HYAL4: variants seen among roughly 807,000 people sequenced by gnomAD.
The protein encoded by HYAL4 is hyaluronidase-4.
HYAL4 carries 37 observed loss-of-function variants against 35.2 expected under a neutral mutation model. The ratio of observed to expected loss-of-function variants is 1.05; its 90% CI spans 0.81 to 1.38. The LOEUF is 1.38. Ranked by LOEUF, HYAL4 falls within the 40% of genes most tolerant of loss-of-function variation. The probability of loss-of-function intolerance (pLI) is 0.00; values close to 1 mark genes in which losing one functional copy is unlikely to be tolerated. For missense variants in HYAL4, 572 were observed against 572.4 expected (o/e 1.00, Z 0.01); for synonymous variants, 198 against 203.2 (o/e 0.97, Z 0.22).
chr7:123,853,618 A>G (rs1034247470), intron 2 of HYAL4, among the ~76,000 whole-genome samples: 4 of 152,130 alleles, frequency 2.6e-5, no homozygotes, highest in Non-Finnish European at 5.9e-5. Flanking sequence ...GTGCTGCTGG[A>G]TTCAGTTTGC....
At chr7:123,832,499 T>C (rs1805900819) in intron 1 of HYAL4, among the ~76,000 whole-genome samples, 4 of 107,584 alleles carry the variant, frequency 3.7e-5, no homozygotes, top group Admixed American at 2.9e-4. Context: ...TTTTTTTTTT[T>C]TTTTTTTTTT....
intron 1 of HYAL4, among the ~76,000 whole-genome samples, chr7:123,830,725 A>G (rs1471775163): frequency 1.3e-5 from 2 of 152,084 alleles, no homozygotes; most frequent in Non-Finnish European, 2.9e-5. Context: ...GGCTATTTTT[A>G]TATTGGAGAC....
chr7:123,779,679 C>T, the HYAL4 span, among the ~76,000 whole-genome samples: 1 of 151,978 alleles, frequency 6.6e-6, no homozygotes, highest in South Asian at 2.1e-4. Flanking sequence ...TTAAAATTTT[C>T]ATCTCTAGGT....
chr7:123,847,656 T>C (rs1274055994), intron 1 of HYAL4, among the ~76,000 whole-genome samples: 1 of 152,128 alleles, frequency 6.6e-6, no homozygotes, highest in Non-Finnish European at 1.5e-5. Context: ...CATACGCCTG[T>C]AGTCCCAGCT....
the HYAL4 span, among the ~76,000 whole-genome samples, chr7:123,804,393 A>T: frequency 6.6e-6 from 1 of 152,162 alleles, no homozygotes; most frequent in Non-Finnish European, 1.5e-5. Context: ...AGAGGAAGGG[A>T]GGGAAAAGAT....
chr7:123,817,897 A>G, the HYAL4 span, among the ~76,000 whole-genome samples: 1 of 151,882 alleles, frequency 6.6e-6, no homozygotes, highest in African/African-American at 2.4e-5. Context: ...TATTTATTTG[A>G]GATGGAGTCT....
upstream of HYAL4, among the ~76,000 whole-genome samples, chr7:123,825,268 G>T (rs918735757): frequency 3.9e-5 from 6 of 152,060 alleles, no homozygotes; most frequent in African/African-American, 1.4e-4. Flanking sequence ...ATGTATTTGG[G>T]ATGGTCTGAT....
At chr7:123,852,587 T>C (rs1371300465) in intron 2 of HYAL4, among the ~76,000 whole-genome samples, 1 of 152,152 alleles carries the variant, frequency 6.6e-6, no homozygotes, top group East Asian at 1.9e-4. Flanking sequence ...TTCTCTTCCA[T>C]TGGTCTATAT....
chr7:123,773,319 A>G, the HYAL4 span, among the ~76,000 whole-genome samples: 1 of 152,168 alleles, frequency 6.6e-6, no homozygotes, highest in Admixed American at 6.5e-5. Context: ...AAAAAAGTAA[A>G]TATTTACTGT....
the HYAL4 span, among the ~76,000 whole-genome samples, chr7:123,770,434 T>G: frequency 1.6e-5 from 2 of 123,748 alleles, no homozygotes; most frequent in African/African-American, 5.7e-5. Context: ...AGAGCGAGAC[T>G]CCATCTAAAA....
At chr7:123,807,005 C>T in the HYAL4 span, among the ~76,000 whole-genome samples, 1 of 152,258 alleles carries the variant, frequency 6.6e-6, no homozygotes, top group East Asian at 1.9e-4. Flanking sequence ...TACCCCAGCT[C>T]CTGGACCTTT....
At chr7:123,782,718 A>T in the HYAL4 span, among the ~76,000 whole-genome samples, 1 of 152,126 alleles carries the variant, frequency 6.6e-6, no homozygotes, top group African/African-American at 2.4e-5. Context: ...TTGATTCAAT[A>T]AGCTTGGGAA....
chr7:123,832,918 C>T (rs1015377095), intron 1 of HYAL4, among the ~76,000 whole-genome samples: 7 of 152,222 alleles, frequency 4.6e-5, no homozygotes, highest in African/African-American at 1.7e-4. Context: ...CAGGTTGTTG[C>T]GAATGCCATT....
chr7:123,777,738 A>G, the HYAL4 span, among the ~76,000 whole-genome samples: 3 of 152,094 alleles, frequency 2.0e-5, no homozygotes, highest in African/African-American at 2.4e-5. Flanking sequence ...GGTGTCCTAG[A>G]TAAGTGCATT....
At chr7:123,858,242 G>A (rs1806500537) in intron 2 of HYAL4, among the ~76,000 whole-genome samples, 3 of 152,052 alleles carry the variant, frequency 2.0e-5, no homozygotes, top group African/African-American at 7.2e-5. Flanking sequence ...AAACCAAAAA[G>A]TGAAGAAAAT....
At chr7:123,867,881 C>T (rs1392272304) in intron 2 of HYAL4, among the ~76,000 whole-genome samples, 1 of 152,148 alleles carries the variant, frequency 6.6e-6, no homozygotes, top group Admixed American at 6.5e-5. Flanking sequence ...AGCAGTTAAG[C>T]ACAATGCCTG....
intron 1 of HYAL4, among the ~76,000 whole-genome samples, chr7:123,838,982 G>GT (rs36011153): frequency 1.4e-4 from 21 of 149,468 alleles, no homozygotes; most frequent in South Asian, 1.1e-3. Context: ...AGTTTCAATA[G>GT]TTTTTTTTTT....
chr7:123,779,631 T>A, the HYAL4 span, among the ~76,000 whole-genome samples: 1 of 152,160 alleles, frequency 6.6e-6, no homozygotes, highest in African/African-American at 2.4e-5. Flanking sequence ...AAAATTCTAT[T>A]TTGAGTATGT....
At chr7:123,815,110 G>T in the HYAL4 span, 15 of 152,534 alleles carry the variant, frequency 9.8e-5, no homozygotes, top group Non-Finnish European at 1.8e-4. Flanking sequence ...ATACATAAAT[G>T]TTTTAGGATA....
Sources: allele counts gnomAD v4.1 joint callset (sites outside exome capture counted in the v4.1 genomes callset), GRCh38; gene constraint gnomAD v4.1.1; transcripts MANE v1.5; gene names NCBI Gene and HGNC (gene_info 2026-07-23, HGNC 2026-07-21).